CPAMD8: variants seen among roughly 807,000 people sequenced by gnomAD.
CPAMD8 encodes the protein C3 and PZP like alpha-2-macroglobulin domain containing 8.
A neutral mutation model predicts 224.7 loss-of-function variants in CPAMD8; 146 were observed. The observed-to-expected ratio is 0.65, with a 90% confidence interval of 0.57 to 0.75. The LOEUF (loss-of-function observed/expected upper bound fraction) is 0.75. Ranked by LOEUF, CPAMD8 falls within the 30% of genes least tolerant of loss-of-function variation. The pLI is 0.00. For missense variants in CPAMD8, 2,301 were observed against 2,537.5 expected (o/e 0.91, Z 2.00); for synonymous variants, 966 against 1,044.6 (o/e 0.92, Z 1.45).
At chr19:16,997,934 C>T (rs2056188153) in intron 10 of CPAMD8, among the ~76,000 whole-genome samples, 1 of 152,174 alleles carries the variant, frequency 6.6e-6, no homozygotes, top group Non-Finnish European at 1.5e-5. Context: ...CTCTGGGGCA[C>T]CAGAACTCCC....
At chr19:16,909,501 G>A (rs895032351) in intron 29 of CPAMD8, among the ~76,000 whole-genome samples, 5 of 151,986 alleles carry the variant, frequency 3.3e-5, no homozygotes, top group Non-Finnish European at 7.4e-5. Context: ...CCGAGATCGC[G>A]CCACTGTACT....
intron 14 of CPAMD8, among the ~76,000 whole-genome samples, chr19:16,979,389 T>TCCATCCAC (rs2122747425): frequency 6.7e-6 from 1 of 148,744 alleles, no homozygotes; most frequent in South Asian, 2.2e-4. Context: ...TGTCCATTCA[T>TCCATCCAC]CCATCCATCC....
At chr19:16,927,907 G>A (rs913905947) in intron 25 of CPAMD8, 102 bp downstream of exon 25, 8 of 851,180 alleles carry the variant, frequency 9.4e-6, no homozygotes, top group African/African-American at 8.2e-5. Flanking sequence ...GACACCCCAA[G>A]ACACAGGTCC....
In CPAMD8 at chr19:16,929,207, T is replaced by C. The variant is rs753174580; in HGVS notation, c.2879A>G (p.Glu960Gly). The C allele has an allele frequency of 6.2e-7, 1 of 1,609,426 alleles. No individual in the cohort carries two copies. The highest frequency in any genetic ancestry group is 8.5e-7 in the Non-Finnish European group (1 of 1,176,346). ...CAGTGGCCGCTGCACATACTGGAACTCATACTTGTTGGGGGTGGAGATGTG... is the reference window on the plus strand; with the variant it reads ...CAGTGGCCGCTGCACATACTGGAACCCATACTTGTTGGGGGTGGAGATGTG... ...RVHISTPNKY[E>G]FQYVQRPLRL... Residue 960 changes from glutamate (E) to glycine (G), a missense_variant, in exon 24 of 42, where the codon GAG (glutamate) becomes GGG (glycine). Physicochemically the swap from Glu to Gly is moderately conservative, Grantham distance 98 (BLOSUM62 -2). This residue lies in a region of CPAMD8 where 1,709 missense variants were observed against 1,753.2 expected (regional missense o/e 0.97). Transcript: ENST00000443236.
At chr19:16,903,977 AC>A in intron 32 of CPAMD8, 120 bp from the exon 33 acceptor site, 1 of 1,070,556 alleles carries the variant, frequency 9.3e-7, no homozygotes, top group Non-Finnish European at 1.3e-6. Context: ...TAGAGACTGG[AC>A]CCAGTGCAGA....
At chr19:16,994,051 T>C (rs909668479) in intron 11 of CPAMD8, among the ~76,000 whole-genome samples, 5 of 152,158 alleles carry the variant, frequency 3.3e-5, no homozygotes, top group African/African-American at 4.8e-5. Context: ...TGCAGAGAGC[T>C]ATGATGGTGC....
At chr19:17,013,293 G>A (rs926883640) in intron 3 of CPAMD8, 1 of 152,136 alleles carries the variant, frequency 6.6e-6, no homozygotes, top group African/African-American at 2.4e-5. Flanking sequence ...CAGATGGCTT[G>A]AGGCCAGAAG....
intron 30 of CPAMD8, 79 bp downstream of exon 30, chr19:16,906,873 T>C (rs1345455770): frequency 3.7e-6 from 5 of 1,358,934 alleles, no homozygotes; most frequent in Non-Finnish European, 5.1e-6. Context: ...TTGTGATAAA[T>C]ATGTTCATGA....
intron 18 of CPAMD8, among the ~76,000 whole-genome samples, chr19:16,968,154 A>C (rs1250657909): frequency 2.0e-5 from 3 of 152,076 alleles, no homozygotes; most frequent in African/African-American, 7.2e-5. Flanking sequence ...GGTGGCTGCC[A>C]GCTGACAGAG....
intron 5 of CPAMD8, 47 bp from the exon 6 acceptor site, chr19:17,009,367 C>A: frequency 2.5e-6 from 4 of 1,613,820 alleles, no homozygotes; most frequent in Non-Finnish European, 3.4e-6. Context: ...CAGCAAACCC[C>A]AAACCCTTTC....
chr19:16,981,033 A>C (rs2055495241), intron 13 of CPAMD8, among the ~76,000 whole-genome samples: 1 of 151,910 alleles, frequency 6.6e-6, no homozygotes, highest in South Asian at 2.1e-4. Context: ...GAGTTTCACC[A>C]TGTTGGCCAG....
At chr19:17,013,689 T>A (rs1246489666) in intron 3 of CPAMD8, among the ~76,000 whole-genome samples, 1 of 151,734 alleles carries the variant, frequency 6.6e-6, no homozygotes, top group Non-Finnish European at 1.5e-5. Context: ...CAGGGTCTTC[T>A]TTTGCGGGGA....
At chr19:17,020,593 C>A (rs570427059) in intron 2 of CPAMD8, among the ~76,000 whole-genome samples, 66 of 152,230 alleles carry the variant, frequency 4.3e-4, no homozygotes, top group Non-Finnish European at 1.8e-4. Flanking sequence ...CTATTCAGGG[C>A]AAAGCTGGCC....
intron 3 of CPAMD8, among the ~76,000 whole-genome samples, chr19:17,014,047 T>C (rs10405260): frequency 1.9e-4 from 14 of 75,428 alleles, no homozygotes; most frequent in South Asian, 7.6e-4. Context: ...TTCTTTCTCT[T>C]TCTCTTTCTT....
intron 18 of CPAMD8, among the ~76,000 whole-genome samples, chr19:16,966,208 C>A (rs561103531): frequency 2.6e-5 from 4 of 152,290 alleles, no homozygotes; most frequent in African/African-American, 9.6e-5. Flanking sequence ...ACCATCTGAT[C>A]TTTGACAAAC....
chr19:16,926,758 T>C (rs540388833), intron 25 of CPAMD8, among the ~76,000 whole-genome samples: 3 of 152,216 alleles, frequency 2.0e-5, no homozygotes, highest in Non-Finnish European at 4.4e-5. Context: ...CTGAAGGCAC[T>C]GGCACACAGA....
chr19:17,020,120 A>G (rs1483150810), intron 3 of CPAMD8, among the ~76,000 whole-genome samples: 7 of 151,520 alleles, frequency 4.6e-5, no homozygotes, highest in African/African-American at 1.7e-4. Context: ...GATTACAGGC[A>G]TGTGCCACCA....
At chr19:17,011,351 A>G (rs1401480325) in intron 5 of CPAMD8, 113 bp downstream of exon 5, 1 of 1,214,652 alleles carries the variant, frequency 8.2e-7, no homozygotes, top group Non-Finnish European at 1.2e-6. Flanking sequence ...CAACCATGAA[A>G]GAAAATAGAA....
chr19:16,904,546 A>G lies in CPAMD8; in HGVS notation c.4034T>C (p.Val1345Ala), dbSNP rs769475922. The G allele has an allele frequency of 1.9e-6, 3 of 1,611,974 alleles. No individual in the cohort carries two copies. The highest frequency in any genetic ancestry group is 2.5e-6 in the Non-Finnish European group (3 of 1,178,210). ...GGAATTTGACAGGCTCCAGTGGGTGACCCCATCTGCAAGGAAAGGAGTGGT... is the reference window on the plus strand; with the variant it reads ...GGAATTTGACAGGCTCCAGTGGGTGGCCCCATCTGCAAGGAAAGGAGTGGT... ...LRSLAIMRDG[V>A]THWSLSNSWD... is the part of the protein sequence containing the mutation. Residue 1345 changes from valine to alanine, a missense_variant, in exon 31 of 42, where the codon GTC becomes GCC. This residue lies in a region of CPAMD8 where 1,709 missense variants were observed against 1,753.2 expected (regional missense o/e 0.97). Coordinates refer to ENST00000443236, the MANE Select transcript of CPAMD8 (RefSeq NM_015692.5).
Sources: allele counts gnomAD v4.1 joint callset (sites outside exome capture counted in the v4.1 genomes callset), GRCh38; gene constraint gnomAD v4.1.1; regional missense constraint gnomAD v4.1.1; transcripts MANE v1.5; gene names NCBI Gene and HGNC (gene_info 2026-07-23, HGNC 2026-07-21).